The following RNF185 variants were observed in gnomAD, a reference collection of about 807,000 sequenced individuals.
RNF185 encodes ring finger protein 185, also known as E3 ubiquitin-protein ligase RNF185.
Under a neutral mutation model 24.9 loss-of-function variants are expected in RNF185, and 13 were observed. The ratio of observed to expected loss-of-function variants is 0.52; its 90% CI spans 0.34 to 0.83. The LOEUF (loss-of-function observed/expected upper bound fraction) is 0.83, where lower values mean the gene tolerates loss of function less well. Ranked by LOEUF, RNF185 falls within the 40% of genes least tolerant of loss-of-function variation. The probability of loss-of-function intolerance (pLI) is 0.01; values close to 1 mark genes in which losing one functional copy is unlikely to be tolerated. For synonymous variants in RNF185, 79 were observed against 90.3 expected, an observed-to-expected ratio of 0.88 and a Z score of 0.71; for missense variants, 184 against 244.7, an observed-to-expected ratio of 0.75 and a Z score of 1.65.
intron 6 of RNF185, 134 bp downstream of exon 6, chr22:31,201,749 A>G: frequency 3.0e-6 from 2 of 674,374 alleles, no homozygotes; most frequent in Non-Finnish European, 5.1e-6. Context: ...AAATATCTTA[A>G]GCTGTTTTTA....
At chr22:31,189,446 C>T (rs1165957607) in intron 2 of RNF185, among the ~76,000 whole-genome samples, 3 of 150,612 alleles carry the variant, frequency 2.0e-5, no homozygotes, top group Non-Finnish European at 3.0e-5. Context: ...AATGCACCAC[C>T]ACGCCCGGCT....
intron 1 of RNF185, among the ~76,000 whole-genome samples, chr22:31,163,825 C>A (rs1286270324): frequency 6.6e-6 from 1 of 151,862 alleles, no homozygotes; most frequent in Non-Finnish European, 1.5e-5. Context: ...AGGTGCACGC[C>A]ACCTTGCCTG....
At chr22:31,175,988 C>G (rs2047978371) in intron 1 of RNF185, among the ~76,000 whole-genome samples, 1 of 152,080 alleles carries the variant, frequency 6.6e-6, no homozygotes, top group Non-Finnish European at 1.5e-5. Flanking sequence ...GTCTCGAACT[C>G]CTGGCCTCAA....
intron 6 of RNF185, among the ~76,000 whole-genome samples, chr22:31,203,170 A>C (rs2048280486): frequency 6.6e-6 from 1 of 152,096 alleles, no homozygotes; most frequent in African/African-American, 2.4e-5. Context: ...TGCCACAGTC[A>C]CAGTTTTCCC....
At chr22:31,166,156 A>G (rs575961592) in intron 1 of RNF185, among the ~76,000 whole-genome samples, 6 of 152,030 alleles carry the variant, frequency 3.9e-5, no homozygotes, top group African/African-American at 9.6e-5. Flanking sequence ...ATGCCCGACT[A>G]ATTTTTGTAT....
chr22:31,163,975 C>G (rs186617822), intron 1 of RNF185, among the ~76,000 whole-genome samples: 4 of 145,502 alleles, frequency 2.7e-5, no homozygotes, highest in African/African-American at 1.0e-4. Context: ...TGCCTGGCCC[C>G]TTATTATTAT....
At position 31,176,135 on chromosome 22, in the gene RNF185, C is replaced by G. The variant is rs182483463; in HGVS notation, c.-48-10912C>G. The stretch of plus-strand genomic sequence containing the variant: ...AAGTACATGTAAGTATTTTTTAAAG[C>G]TTAAGAAATTTGTCCATAAGTCCAC... On this transcript the variant is annotated intron_variant, in intron 1 of 6. Transcript: ENST00000326132. Among the ~76,000 whole-genome samples, 16 of 152,192 alleles carry G rather than the reference C, an allele frequency of 1.1e-4. No homozygotes were observed. In the East Asian group the frequency reaches 3.1e-3, roughly 29 times the overall value.
At chr22:31,168,220 C>T (rs1924053430) in intron 1 of RNF185, among the ~76,000 whole-genome samples, 1 of 152,080 alleles carries the variant, frequency 6.6e-6, no homozygotes, top group Non-Finnish European at 1.5e-5. Context: ...AAGATGAGGC[C>T]TAACCGTGTG....
At chr22:31,162,335 A>C (rs1482826098) in intron 1 of RNF185, among the ~76,000 whole-genome samples, 1 of 152,144 alleles carries the variant, frequency 6.6e-6, no homozygotes, top group Admixed American at 6.6e-5. Context: ...AATTTGTTGG[A>C]GTTTTTAGAA....
At chr22:31,183,619 T>A (rs1373472106) in intron 1 of RNF185, among the ~76,000 whole-genome samples, 1 of 152,134 alleles carries the variant, frequency 6.6e-6, no homozygotes, top group Non-Finnish European at 1.5e-5. Context: ...AGCATCTGTT[T>A]AACAAAGCAC....
At chr22:31,187,323 T>TGG in intron 2 of RNF185, 53 bp downstream of exon 2, 1 of 1,600,900 alleles carries the variant, frequency 6.2e-7, no homozygotes, top group Non-Finnish European at 8.5e-7. Context: ...TTGGAAAGCC[T>TGG]GTGGCCCTGG....
At chr22:31,200,078 C>G (rs533799775) in intron 5 of RNF185, among the ~76,000 whole-genome samples, 9 of 152,252 alleles carry the variant, frequency 5.9e-5, no homozygotes, top group African/African-American at 2.2e-4. Context: ...GCATGAAGGC[C>G]GGGCACAGTG....
intron 1 of RNF185, among the ~76,000 whole-genome samples, chr22:31,160,936 T>C (rs528914297): frequency 4.9e-4 from 75 of 152,340 alleles, no homozygotes; most frequent in Non-Finnish European, 9.3e-4. Context: ...TGAAGCTCAT[T>C]GATTTTAAGT....
intron 1 of RNF185, chr22:31,182,862 C>T (rs980345879): frequency 1.3e-5 from 2 of 150,910 alleles, no homozygotes; most frequent in African/African-American, 2.4e-5. Flanking sequence ...TCGTTTAATA[C>T]TTGCACCTAT....
intron 1 of RNF185, chr22:31,183,121 AC>A (rs2048056165): frequency 6.6e-6 from 1 of 151,874 alleles, no homozygotes; most frequent in Non-Finnish European, 1.5e-5. Context: ...ACAGGGTTTC[AC>A]CATGTTGGCC....
rs564927652 is a variant in RNF185, at chr22:31,178,839, C to T, written c.-48-8208C>T. 3.9e-5 allele frequency among the ~76,000 whole-genome samples: 6 copies of T among 152,148 alleles called. No individual in the cohort carries two copies. In the South Asian group the frequency reaches 1.2e-3, roughly 32 times the overall value. On this transcript the variant is annotated intron_variant, in intron 1 of 6. Coordinates refer to ENST00000326132, the MANE Select transcript of RNF185 (RefSeq NM_152267.4). ...ACAGCACAAAAGTTACAACATTGCA[C>T]GATAAATTTGAGGGAAGACAAAAAC...
At chr22:31,183,808 T>C (rs998283684) in intron 1 of RNF185, among the ~76,000 whole-genome samples, 1 of 152,230 alleles carries the variant, frequency 6.6e-6, no homozygotes, top group Non-Finnish European at 1.5e-5. Context: ...AATAACAATC[T>C]GATCTCTCTT....
At chr22:31,195,381 C>T (rs1330810703) in intron 3 of RNF185, 88 bp from the exon 4 acceptor site, 1 of 767,278 alleles carries the variant, frequency 1.3e-6, no homozygotes, top group South Asian at 1.8e-5. Context: ...CAGTTTGAGG[C>T]CTCTGGCCTG....
At position 31,196,978 on chromosome 22, in the gene RNF185, G is replaced by A. The variant is rs754757015; in HGVS notation, c.351G>A (p.Pro117=). ...GTCCTCAAGGACAGAGGCCAGAGCC[G>A]GAGAATAGAGGGGTGAGGAACATTC... ...PPRPQGQRPE[P]ENRGGFQGFG... is the part of the protein sequence containing the mutation. The change falls in exon 5 of 7, where the codon CCG becomes CCA. Residue 117 remains proline (P), a synonymous_variant. Coordinates refer to ENST00000326132, the MANE Select transcript of RNF185 (RefSeq NM_152267.4). The A allele has an allele frequency of 6.2e-6, 10 of 1,613,452 alleles. No homozygotes were observed. Among genetic ancestry groups the A allele is most frequent in the Non-Finnish European group, 8.5e-6 (10 of 1,179,652 alleles).
Sources: gnomAD v4.1 joint callset for allele counts (sites outside exome capture counted in the v4.1 genomes callset) on GRCh38, gnomAD v4.1.1 for gene constraint, MANE v1.5 for transcripts, NCBI Gene and HGNC (gene_info 2026-07-23, HGNC 2026-07-21) for gene names.